TXNL4A: variants seen among roughly 807,000 people sequenced by gnomAD.
The protein encoded by TXNL4A is thioredoxin-like protein 4A.
Under a neutral mutation model 14.6 loss-of-function variants are expected in TXNL4A, and 17 were observed. The observed-to-expected ratio is 1.16, with a 90% confidence interval of 0.80 to 1.74. TXNL4A has a LOEUF of 1.74. TXNL4A is among the 40% of genes most tolerant of loss of function. The pLI, the probability that TXNL4A is intolerant of heterozygous loss-of-function variation, is 0.00. For synonymous variants in TXNL4A, 83 were observed against 70.6 expected (o/e 1.18, Z -0.88); for missense variants, 74 against 195.2 (o/e 0.38, Z 3.70).
intron 1 of TXNL4A, among the ~76,000 whole-genome samples, chr18:80,032,903 C>G (rs1316917317): frequency 6.6e-6 from 1 of 152,146 alleles, no homozygotes; most frequent in Non-Finnish European, 1.5e-5. Flanking sequence ...TGCAGTCACC[C>G]TAGCCCATCT....
At chr18:80,012,301 A>T (rs1568378528) in intron 1 of TXNL4A, among the ~76,000 whole-genome samples, 1 of 152,186 alleles carries the variant, frequency 6.6e-6, no homozygotes, top group Non-Finnish European at 1.5e-5. Flanking sequence ...AAATCTCCAT[A>T]TGATGACATA....
intron 2 of TXNL4A, among the ~76,000 whole-genome samples, chr18:79,976,387 G>GTGCTGGCT (rs1439693069): frequency 2.6e-5 from 4 of 152,236 alleles, no homozygotes; most frequent in African/African-American, 9.6e-5. Context: ...CGGCATGCCA[G>GTGCTGGCT]TGCTGGCTTT....
chr18:80,004,792 G>A (rs977741356), intron 1 of TXNL4A, among the ~76,000 whole-genome samples: 8 of 152,114 alleles, frequency 5.3e-5, no homozygotes, highest in Non-Finnish European at 7.4e-5. Flanking sequence ...CATCGAGTGC[G>A]CAGTGGCTGC....
intron 1 of TXNL4A, among the ~76,000 whole-genome samples, chr18:79,987,171 A>T (rs1341100294): frequency 6.6e-6 from 1 of 152,266 alleles, no homozygotes; most frequent in African/African-American, 2.4e-5. Flanking sequence ...CCATAGAATC[A>T]GAATCACAGA....
intron 1 of TXNL4A, among the ~76,000 whole-genome samples, chr18:80,030,268 T>C (rs117853446): frequency 1.3e-5 from 2 of 152,350 alleles, no homozygotes; most frequent in African/African-American, 2.4e-5. Context: ...TACTGCACAA[T>C]AACCATTACA....
Position 80,013,148 on chromosome 18 carries a change from T to TCTG in TXNL4A, c.-61+20700_-61+20702dup, listed in dbSNP as rs541419678. ...TTTTTTTTTTTTTTTTGAGACGGAGTCTGGCTCTGTCCCCCAGGCTGGAGC... is the reference window on the plus strand; with the variant it reads ...TTTTTTTTTTTTTTTTGAGACGGAGTCTGCTGGCTCTGTCCCCCAGGCTGGAGC... On this transcript the variant is annotated intron_variant, in intron 1 of 2. Transcript: ENST00000585474. Among the ~76,000 whole-genome samples the TCTG allele has an allele frequency of 1.3e-3, 190 of 140,912 alleles. 1 individual carries two copies. The highest frequency in any genetic ancestry group is 5.0e-3 in the African/African-American group (186 of 37,030). The allele number at this position is 140,912 out of a possible 152,430, so 92.4% of individuals were successfully genotyped here. A position where few individuals can be genotyped will look rare whatever the true frequency, so the allele number is the denominator to read the frequency against.
chr18:80,010,854 G>A (rs1006776577), intron 1 of TXNL4A, among the ~76,000 whole-genome samples: 1 of 152,108 alleles, frequency 6.6e-6, no homozygotes, highest in Non-Finnish European at 1.5e-5. Context: ...TGGGCCGGGG[G>A]CTCTCCAGGG....
At chr18:80,033,760 G>A (rs1027223770) in intron 1 of TXNL4A, 8 of 153,614 alleles carry the variant, frequency 5.2e-5, no homozygotes, top group Admixed American at 2.0e-4. Flanking sequence ...CAGCCCACGC[G>A]GCCTCCCCAC....
intron 1 of TXNL4A, among the ~76,000 whole-genome samples, chr18:79,980,958 C>T (rs112651450): frequency 2.0e-5 from 3 of 152,222 alleles, no homozygotes; most frequent in African/African-American, 4.8e-5. Flanking sequence ...TTTCCCGCAG[C>T]GTCCACAGTG....
chr18:80,023,327 A>G (rs1306408013), intron 1 of TXNL4A, among the ~76,000 whole-genome samples: 1 of 152,204 alleles, frequency 6.6e-6, no homozygotes, highest in Non-Finnish European at 1.5e-5. Flanking sequence ...ACATAAAAGG[A>G]AAAAGAATTA....
At chr18:79,976,629 G>T (rs1393980416) in intron 2 of TXNL4A, 1 of 319,852 alleles carries the variant, frequency 3.1e-6, no homozygotes, top group African/African-American at 2.3e-5. Flanking sequence ...AGAAAAGCGG[G>T]GTGATTTAAG....
chr18:79,974,249 T>C (rs2051345621), intron 2 of TXNL4A, among the ~76,000 whole-genome samples: 2 of 152,192 alleles, frequency 1.3e-5, no homozygotes, highest in African/African-American at 4.8e-5. Flanking sequence ...CCCCATCTAA[T>C]TTGTACTAAT....
chr18:79,992,883 A>AAAG (rs2051637069), upstream of TXNL4A, among the ~76,000 whole-genome samples: 1 of 148,664 alleles, frequency 6.7e-6, no homozygotes, highest in Admixed American at 6.7e-5. Flanking sequence ...ATGTAAAAAA[A>AAAG]AAAAAAAAAA....
At chr18:79,987,575 A>T (rs2051571394) in intron 1 of TXNL4A, among the ~76,000 whole-genome samples, 1 of 152,258 alleles carries the variant, frequency 6.6e-6, no homozygotes, top group South Asian at 2.1e-4. Flanking sequence ...GCTATGAGGA[A>T]CCACAGAAAA....
chr18:80,015,098 A>G (rs556147951), intron 1 of TXNL4A, among the ~76,000 whole-genome samples: 280 of 152,104 alleles, frequency 1.8e-3, no homozygotes, highest in Non-Finnish European at 2.9e-3. Flanking sequence ...CCACAAAAAC[A>G]TTTTTTCCTC....
At chr18:80,024,772 C>T (rs565708343) in intron 1 of TXNL4A, among the ~76,000 whole-genome samples, 15 of 152,300 alleles carry the variant, frequency 9.8e-5, no homozygotes, top group Admixed American at 5.2e-4. Flanking sequence ...CAACTTGAGC[C>T]CCTGACACAC....
At chr18:79,995,900 A>G (rs182883753) in intron 1 of TXNL4A, among the ~76,000 whole-genome samples, 263 of 152,112 alleles carry the variant, frequency 1.7e-3, no homozygotes, top group African/African-American at 5.8e-3. Flanking sequence ...CAGGAGATCG[A>G]GACCATCTTG....
chr18:79,990,604 T>TCTGATACTTAACACATCACA (rs2051620821), upstream of TXNL4A, among the ~76,000 whole-genome samples: 1 of 152,234 alleles, frequency 6.6e-6, no homozygotes, highest in African/African-American at 2.4e-5. Context: ...CAAACACAGT[T>TCTGATACTTAACACATCACA]GCTTAACACA....
chr18:80,033,216 T>C (rs1004773869), intron 1 of TXNL4A, among the ~76,000 whole-genome samples: 18 of 151,986 alleles, frequency 1.2e-4, no homozygotes, highest in African/African-American at 4.4e-4. Context: ...CGCACGCACA[T>C]GCACACATAT....
Sources: allele counts gnomAD v4.1 joint callset (sites outside exome capture counted in the v4.1 genomes callset), GRCh38; gene constraint gnomAD v4.1.1; transcripts MANE v1.5; gene names NCBI Gene and HGNC (gene_info 2026-07-23, HGNC 2026-07-21).